Variants in FOXP2 observed in about 807,000 individuals in gnomAD.
FOXP2 encodes forkhead box P2, also known as forkhead box protein P2.
A neutral mutation model predicts 115.8 loss-of-function variants in FOXP2; 12 were observed. The ratio of observed to expected loss-of-function variants is 0.10; its 90% confidence interval spans 0.07 to 0.17. FOXP2 has a LOEUF of 0.17. Among genes scored for constraint, FOXP2 ranks in the 10% least tolerant of loss-of-function variants. The pLI is 1.00. For missense variants in FOXP2, 629 were observed against 843.5 expected, an observed-to-expected ratio of 0.75 and a Z score of 3.15; for synonymous variants, 328 against 297.7, an observed-to-expected ratio of 1.10 and a Z score of -1.05.
chr7:114,614,464 T>G (rs1231656365), intron 3 of FOXP2, among the ~76,000 whole-genome samples: 4 of 152,216 alleles, frequency 2.6e-5, no homozygotes, highest in African/African-American at 9.6e-5. Flanking sequence ...TGCCATTTAC[T>G]TTTAACTTTG....
chr7:114,205,028 G>T (rs1037499992), intron 1 of FOXP2, among the ~76,000 whole-genome samples: 2 of 151,994 alleles, frequency 1.3e-5, no homozygotes, highest in Non-Finnish European at 2.9e-5. Flanking sequence ...CAAAGAGAAG[G>T]TATAGTGTTC....
intron 2 of FOXP2, among the ~76,000 whole-genome samples, chr7:114,359,051 C>G (rs1384092992): frequency 6.6e-6 from 1 of 152,174 alleles, no homozygotes; most frequent in Non-Finnish European, 1.5e-5. Context: ...AGCAGCCCCT[C>G]CCATCACAAG....
rs978785904 is a variant in FOXP2 at position 114,691,242 on chromosome 7, T to C, written c.*1316T>C. The C allele has an allele frequency of 2.2e-6, 1 of 453,720 alleles. No homozygotes were observed. Among genetic ancestry groups the C allele is most frequent in the Admixed American group, 2.4e-5 (1 of 42,494 alleles). The allele number at this position is 453,720 out of a possible 1,614,324, so 28.1% of individuals were successfully genotyped here. The stretch of plus-strand genomic sequence containing the variant: ...TATGGTCTTAATCTTTGTTGTGTAC[T>C]ATTTTTTTATAGTCTTAAGTTATAA... On this transcript the variant is annotated 3_prime_UTR_variant, in exon 17 of 17. Coordinates refer to ENST00000350908, the MANE Select transcript of FOXP2 (RefSeq NM_014491.4).
intron 2 of FOXP2, among the ~76,000 whole-genome samples, chr7:114,371,048 A>C (rs1916985): frequency 0.42 from 63,068 of 151,952 alleles, 14,175 homozygotes; most frequent in East Asian, 0.86. Flanking sequence ...AAAATGAAAG[A>C]ATGTTAAATA....
Position 114,385,508 on chromosome 7 carries a change from G to T in FOXP2, c.-10-40994G>T, listed in dbSNP as rs149185097. Reference sequence around the variant, plus strand: ...GGACAACAGCTTTCTGCCTCTAGTCGGCCCTCGGCTTCCCCAAGAAAATTG... The same window carrying T: ...GGACAACAGCTTTCTGCCTCTAGTCTGCCCTCGGCTTCCCCAAGAAAATTG... On this transcript the variant is annotated intron_variant, in intron 2 of 17. Transcript: ENST00000634411. Among the ~76,000 whole-genome samples the T allele has an allele frequency of 7.2e-3, 1,102 of 152,104 alleles. 13 individuals carry two copies. Among genetic ancestry groups the T allele is most frequent in the African/African-American group, 0.025 (1,047 of 41,496 alleles).
At chr7:114,526,994 T>C (rs1237655460) in intron 2 of FOXP2, among the ~76,000 whole-genome samples, 1 of 144,000 alleles carries the variant, frequency 6.9e-6, no homozygotes, top group Non-Finnish European at 1.5e-5. Flanking sequence ...CTAATCTATT[T>C]TTTTTTTTTT....
chr7:114,197,016 A>AC (rs1188696917), intron 1 of FOXP2, among the ~76,000 whole-genome samples: 2 of 151,748 alleles, frequency 1.3e-5, no homozygotes, highest in Non-Finnish European at 2.9e-5. Context: ...ACATAGTTAG[A>AC]CCCCATCTCA....
intron 1 of FOXP2, among the ~76,000 whole-genome samples, chr7:114,139,073 A>C (rs1038537002): frequency 6.6e-6 from 1 of 152,194 alleles, no homozygotes; most frequent in East Asian, 1.9e-4. Flanking sequence ...TACAGGGGGC[A>C]GGGACTTATG....
chr7:114,119,860 C>G lies in FOXP2; in HGVS notation c.-247+32022C>G, dbSNP rs146660378. 1.4e-4 allele frequency among the ~76,000 whole-genome samples: 22 copies of G among 152,226 alleles called. No homozygotes were observed. The East Asian group carries it at 3.3e-3, about 23-fold the overall frequency. ...AATCACCTGCAGAACTTGTTACAAA[C>G]AGATTCCTGTGTATTGCCCCCAGAA... On this transcript the variant is annotated intron_variant, in intron 1 of 19. Transcript: ENST00000635638.
chr7:114,226,871 A>C (rs1794760356), intron 1 of FOXP2, among the ~76,000 whole-genome samples: 1 of 152,092 alleles, frequency 6.6e-6, no homozygotes, highest in Admixed American at 6.6e-5. Context: ...GCTTGACTCA[A>C]CCAAGATAGA....
At chr7:114,429,673 A>C (rs1293991924) in intron 2 of FOXP2, among the ~76,000 whole-genome samples, 1 of 151,492 alleles carries the variant, frequency 6.6e-6, no homozygotes, top group Non-Finnish European at 1.5e-5. Flanking sequence ...TAAGTCAGAT[A>C]ATCTTTCTGA....
chr7:114,209,689 G>C (rs986192329), intron 1 of FOXP2, among the ~76,000 whole-genome samples: 3 of 152,088 alleles, frequency 2.0e-5, no homozygotes, highest in Non-Finnish European at 4.4e-5. Context: ...TTCAATGTTG[G>C]CCTGTCTTGT....
intron 2 of FOXP2, chr7:114,463,122 G>A (rs761770939): frequency 4.8e-6 from 2 of 413,110 alleles, no homozygotes; most frequent in South Asian, 1.8e-5. Flanking sequence ...TGGAACTCCT[G>A]GGCTCAAGCA....
chr7:114,213,060 A>G (rs1439959274), intron 1 of FOXP2, among the ~76,000 whole-genome samples: 1 of 152,204 alleles, frequency 6.6e-6, no homozygotes, highest in African/African-American at 2.4e-5. Context: ...AACTGGATAG[A>G]ATTTTTTTTA....
rs868745934 is a variant in FOXP2 at position 114,349,195 on chromosome 7, T to C, written c.-11+61086T>C. On this transcript the variant is annotated intron_variant, in intron 2 of 17. Transcript: ENST00000634411. ...AGACATGAAATGCAACTAAGAACCA[T>C]TTGAAGCAAATGGTGACTGTATTTT... Among the ~76,000 whole-genome samples, 27 of 152,156 alleles carry C rather than the reference T, an allele frequency of 1.8e-4. 1 individual carries two copies. The highest frequency in any genetic ancestry group is 6.2e-4 in the South Asian group (3 of 4,822).
At chr7:114,504,536 T>G (rs1258921023) in intron 2 of FOXP2, among the ~76,000 whole-genome samples, 1 of 151,712 alleles carries the variant, frequency 6.6e-6, no homozygotes, top group Non-Finnish European at 1.5e-5. Context: ...TTAAGTAAAA[T>G]TTACTAAAGT....
At chr7:114,474,593 A>T (rs1796177354) in intron 2 of FOXP2, among the ~76,000 whole-genome samples, 1 of 152,196 alleles carries the variant, frequency 6.6e-6, no homozygotes, top group Non-Finnish European at 1.5e-5. Flanking sequence ...AATATCCTAG[A>T]AAATAGCAGA....
At chr7:114,448,915 G>C (rs1431057066) in intron 2 of FOXP2, among the ~76,000 whole-genome samples, 1 of 151,986 alleles carries the variant, frequency 6.6e-6, no homozygotes, top group Non-Finnish European at 1.5e-5. Flanking sequence ...GAACATTTTT[G>C]GTGAATATTT....
intron 8 of FOXP2, among the ~76,000 whole-genome samples, chr7:114,649,932 A>G (rs1371542016): frequency 1.3e-5 from 2 of 152,230 alleles, no homozygotes; most frequent in Middle Eastern, 3.4e-3. Context: ...TTTGTCACCA[A>G]TGATAATTTA....
Sources: allele counts gnomAD v4.1 joint callset (sites outside exome capture counted in the v4.1 genomes callset), GRCh38; gene constraint gnomAD v4.1.1; transcripts MANE v1.5; gene names NCBI Gene and HGNC (gene_info 2026-07-23, HGNC 2026-07-21).